EGLN2: variants seen among roughly 807,000 people sequenced by gnomAD.
EGLN2 encodes egl-9 family hypoxia inducible factor 2.
In EGLN2, 15 loss-of-function variants were observed where a neutral mutation model predicts 38.2. The ratio of observed to expected loss-of-function variants is 0.39; its 90% CI spans 0.26 to 0.60. EGLN2 has a LOEUF of 0.60. Ranked by LOEUF, EGLN2 falls within the 20% of genes least tolerant of loss-of-function variation. EGLN2 has a pLI of 0.50. For missense variants in EGLN2, 492 were observed against 570.4 expected, an observed-to-expected ratio of 0.86 and a Z score of 1.40; for synonymous variants, 284 against 237.4, an observed-to-expected ratio of 1.20 and a Z score of -1.81.
chr19:40,803,683 C>G (rs1056239955), intron 2 of EGLN2, among the ~76,000 whole-genome samples: 3 of 152,146 alleles, frequency 2.0e-5, no homozygotes, highest in African/African-American at 7.2e-5. Flanking sequence ...GACAGGTGCT[C>G]CGTTGACCTG....
Position 40,807,796 on chromosome 19 carries a change from C to G in EGLN2, c.1169-13C>G, listed in dbSNP as rs759650902. 2.5e-6 allele frequency: 4 copies of G among 1,613,920 alleles called. No individual in the cohort carries two copies. The Admixed American group carries it at 6.7e-5, about 27-fold the overall frequency. ...CTGATGACTCACTGTCTCCTGTCCC[C>G]TCTCACCCCCAGCATCAGGACAGAA... On this transcript the variant is annotated splice_polypyrimidine_tract_variant and intron_variant, in intron 5 of 5. Coordinates refer to ENST00000303961, the MANE Select transcript of EGLN2 (RefSeq NM_080732.4).
At chr19:40,807,395 C>A in intron 4 of EGLN2, 89 bp from the exon 5 acceptor site, 2 of 1,603,206 alleles carry the variant, frequency 1.2e-6, no homozygotes, top group Non-Finnish European at 1.7e-6. Context: ...GGAGCAGAAC[C>A]GGGTGGCTCA....
chr19:40,799,405 G>T (rs1468900561), intron 1 of EGLN2, 143 bp downstream of exon 1: 1 of 146,826 alleles, frequency 6.8e-6, no homozygotes, highest in Non-Finnish European at 1.5e-5. Flanking sequence ...GCGGCGCGGG[G>T]GAGGGGACGC....
At chr19:40,799,732 C>T (rs2083236913) in intron 1 of EGLN2, 1 of 152,230 alleles carries the variant, frequency 6.6e-6, no homozygotes. Context: ...TCCCTTCCGT[C>T]TGGGCGTGTG....
rs1568500041 is a variant in EGLN2 at position 40,800,823 on chromosome 19, ATGG to A, written c.257_259del (p.Gly86del). On this transcript the variant is annotated inframe_deletion, in exon 2 of 6. Transcript: ENST00000303961. ...CTTCGGGACGGTTTTGGCGGGCAGG[ATGG>A]TGGTGAGCTGCGGCCGCTGCAGAGT... 4 of 1,613,256 alleles carry A rather than the reference ATGG, an allele frequency of 2.5e-6. No homozygotes were observed. The highest frequency in any genetic ancestry group is 3.4e-6 in the Non-Finnish European group (4 of 1,179,900).
chr19:40,805,294 T>C (rs988286974), intron 2 of EGLN2: 9 of 152,240 alleles, frequency 5.9e-5, no homozygotes, highest in Admixed American at 5.2e-4. Flanking sequence ...TCCTCCCCTT[T>C]TTGTGTGCTA....
chr19:40,800,706 T>G lies in EGLN2; in HGVS notation c.134T>G (p.Leu45Arg), dbSNP rs767974768. Residue 45 changes from leucine (L) to arginine (R), a missense_variant, in exon 2 of 6, where the codon CTC becomes CGC. Physicochemically the swap from Leu to Arg is moderately radical, Grantham distance 102. This residue lies in a region of EGLN2 where 378 missense variants were observed against 386.2 expected (regional missense o/e 0.98). Coordinates refer to ENST00000303961, the MANE Select transcript of EGLN2 (RefSeq NM_080732.4). ...GVESYLPCPL[L>R]PSYHCPGVPS... is the part of the protein sequence containing the mutation. Reference sequence around the variant, plus strand: ...GAGAGTTACCTGCCCTGTCCCCTGCTCCCCTCCTACCACTGTCCAGGAGTG... The same window carrying G: ...GAGAGTTACCTGCCCTGTCCCCTGCGCCCCTCCTACCACTGTCCAGGAGTG... The G allele has an allele frequency of 3.7e-6, 6 of 1,613,858 alleles. No homozygotes were observed. In the East Asian group the frequency reaches 1.3e-4, roughly 36 times the overall value.
Position 40,807,535 on chromosome 19 carries a change from A to C in EGLN2, c.1152A>C (p.Lys384Asn). The change falls in exon 5 of 6, where the codon AAA (lysine) becomes AAC (asparagine). Residue 384 changes from lysine to asparagine, a missense_variant. Physicochemically the swap from Lys to Asn is moderately conservative, Grantham distance 94 (BLOSUM62 0). Coordinates refer to ENST00000303961, the MANE Select transcript of EGLN2 (RefSeq NM_080732.4). The part of the protein sequence containing the change: ...YFDAKERAAA[K>N]DKYQLASGQK... ...ATGCCAAGGAGCGGGCAGCAGCCAAAGACAAGTATCAGCTAGGTACCTGCT... is the reference window on the plus strand; with the variant it reads ...ATGCCAAGGAGCGGGCAGCAGCCAACGACAAGTATCAGCTAGGTACCTGCT... The C allele has an allele frequency of 6.2e-7, 1 of 1,614,212 alleles. No individual in the cohort carries two copies.
At chr19:40,805,856 C>T (rs890278615) in intron 2 of EGLN2, 2 of 152,480 alleles carry the variant, frequency 1.3e-5, no homozygotes, top group African/African-American at 2.4e-5. Flanking sequence ...TTTATTACCC[C>T]TGCTGTACAC....
chr19:40,807,403 T>C (rs1428916225), intron 4 of EGLN2, 81 bp from the exon 5 acceptor site: 1 of 1,605,460 alleles, frequency 6.2e-7, no homozygotes, highest in Non-Finnish European at 8.5e-7. Context: ...ACCGGGTGGC[T>C]CAAAAGGATG....
chr19:40,800,330 T>G lies in EGLN2; in HGVS notation c.-234-9T>G. On this transcript the variant is annotated splice_polypyrimidine_tract_variant and intron_variant, in intron 1 of 5. Coordinates refer to ENST00000303961, the MANE Select transcript of EGLN2 (RefSeq NM_080732.4). ...CTCTCACATCCCTTTTTTTTTTTCC[T>G]TTCTCTAGCCACCCTGAAGGGTCCC... The G allele has an allele frequency of 2.0e-6, 1 of 491,536 alleles. No homozygotes were observed. The highest frequency in any genetic ancestry group is 3.5e-6 in the Non-Finnish European group (1 of 281,950). 30.4% of individuals were successfully genotyped at this position (491,536 alleles called of 1,614,324 possible).
intron 2 of EGLN2, among the ~76,000 whole-genome samples, chr19:40,802,247 G>T (rs973792899): frequency 1.3e-5 from 2 of 152,154 alleles, no homozygotes; most frequent in African/African-American, 4.8e-5. Flanking sequence ...CCGAGTGCTT[G>T]GCCCTGGACT....
Position 40,801,262 on chromosome 19 carries a change from C to G in EGLN2, c.690C>G (p.Ile230Met), listed in dbSNP as rs370077893. 1.9e-6 allele frequency: 3 copies of G among 1,613,016 alleles called. No homozygotes were observed. The highest frequency in any genetic ancestry group is 2.5e-6 in the Non-Finnish European group (3 of 1,179,982). ...GGCAGCTAGTGAGCCAGAGGGCGAT[C>G]CCGCCGCGCAGCATCCGTGGGGACC... ...RDGQLVSQRA[I>M]PPRSIRGDQI... is the part of the protein sequence containing the mutation. Residue 230 changes from isoleucine (I) to methionine (M), a missense_variant, in exon 2 of 6, where the codon ATC becomes ATG. Coordinates refer to ENST00000303961, the MANE Select transcript of EGLN2 (RefSeq NM_080732.4).
chr19:40,806,317 T>G, intron 2 of EGLN2: 1 of 642,214 alleles, frequency 1.6e-6, no homozygotes, highest in Non-Finnish European at 2.5e-6. Context: ...AGGCCCCAGG[T>G]ATGTGTGTTG....
chr19:40,806,995 G>T (rs1456678241), intron 3 of EGLN2, 143 bp from the exon 4 acceptor site: 4 of 1,285,580 alleles, frequency 3.1e-6, no homozygotes, highest in Non-Finnish European at 4.3e-6. Context: ...GCAGTCTCTG[G>T]GTTGTCATTC....
At chr19:40,806,869 T>C (rs2083306363) in intron 3 of EGLN2, 195 bp downstream of exon 3, 1 of 945,886 alleles carries the variant, frequency 1.1e-6, no homozygotes, top group African/African-American at 1.7e-5. Context: ...GACTGTGTGG[T>C]GGGAACTCCC....
At chr19:40,803,431 T>C (rs118038652) in intron 2 of EGLN2, among the ~76,000 whole-genome samples, 4,361 of 152,056 alleles carry the variant, frequency 0.029, 80 homozygotes, top group Middle Eastern at 0.054. Flanking sequence ...ACTGAGAACA[T>C]AGGGGAGGAG....
At chr19:40,806,813 G>C (rs1320052016) in intron 3 of EGLN2, 139 bp downstream of exon 3, 7 of 1,223,008 alleles carry the variant, frequency 5.7e-6, no homozygotes, top group Non-Finnish European at 8.0e-6. Flanking sequence ...CGGGCAGTGC[G>C]ATCTGCCGGC....
In EGLN2 at chr19:40,808,032, C is replaced by A; in HGVS notation, c.*168C>A. ...CTGAGGACCAAGGAGGAGAAGAGACCTTTGCTGCCCCATCATGGGGGCTGG... is the reference window on the plus strand; with the variant it reads ...CTGAGGACCAAGGAGGAGAAGAGACATTTGCTGCCCCATCATGGGGGCTGG... On this transcript the variant is annotated 3_prime_UTR_variant, in exon 6 of 6. Transcript: ENST00000303961. 1.5e-6 allele frequency: 1 copy of A among 681,710 alleles called. No individual in the cohort carries two copies. Among genetic ancestry groups the A allele is most frequent in the Non-Finnish European group, 2.5e-6 (1 of 404,422 alleles). 42.2% of individuals were successfully genotyped at this position (681,710 alleles called of 1,614,324 possible).
Sources: gnomAD v4.1 joint callset for allele counts (sites outside exome capture counted in the v4.1 genomes callset) on GRCh38, gnomAD v4.1.1 for gene constraint, gnomAD v4.1.1 regional missense constraint, MANE v1.5 for transcripts, NCBI Gene and HGNC (gene_info 2026-07-23, HGNC 2026-07-21) for gene names.